The following DGKZ variants were observed in gnomAD, a reference collection of about 807,000 sequenced individuals.
DGKZ encodes the protein DAG kinase zeta.
Under a neutral mutation model 142.5 loss-of-function variants are expected in DGKZ, and 45 were observed. The observed-to-expected ratio is 0.32, with a 90% CI of 0.25 to 0.40. DGKZ has a LOEUF of 0.40. Ranked by LOEUF, DGKZ falls within the 10% of genes least tolerant of loss-of-function variation. DGKZ has a pLI of 1.00. For missense variants in DGKZ, 755 were observed against 1,306.5 expected, an observed-to-expected ratio of 0.58 and a Z score of 6.51; for synonymous variants, 442 against 527.0, an observed-to-expected ratio of 0.84 and a Z score of 2.21.
chr11:46,370,289 C>T (rs1943799505), intron 6 of DGKZ, among the ~76,000 whole-genome samples: 2 of 152,272 alleles, frequency 1.3e-5, no homozygotes, highest in African/African-American at 2.4e-5. Flanking sequence ...TAGACTTACT[C>T]ATTCGGTGAC....
chr11:46,380,139 C>G, exon 31 of DGKZ: 1 of 579,124 alleles, frequency 1.7e-6, no homozygotes. Flanking sequence ...CTCACCTGTT[C>G]CCCTGAGGAC....
chr11:46,367,388 G>A lies in DGKZ; in HGVS notation c.259G>A (p.Val87Met). ...GTCAGAGCGGCAGATCCGGAGTACA[G>A]TGGACTGGAGCGTGAGTGCCTGAAC... The change falls in exon 2 of 31, where the codon GTG (valine) becomes ATG (methionine). Residue 87 changes from valine (V) to methionine (M), a missense_variant. Physicochemically the swap from Val to Met is conservative, Grantham distance 21. Transcript: ENST00000527911. This position sits in a 1 kb window ranked among gnomAD's most constrained non-coding sequence, Gnocchi z 4.1. 1.2e-6 allele frequency: 2 copies of A among 1,613,128 alleles called. No homozygotes were observed. Among genetic ancestry groups the A allele is most frequent in the Non-Finnish European group, 1.7e-6 (2 of 1,179,978 alleles).
At chr11:46,366,843 A>C in intron 1 of DGKZ, 1 of 1,545,220 alleles carries the variant, frequency 6.5e-7, no homozygotes, top group Non-Finnish European at 8.7e-7. Flanking sequence ...TCAGGCCAGC[A>C]CCCTGGCCCT....
chr11:46,367,101 G>A lies in DGKZ; in HGVS notation c.162-190G>A, dbSNP rs548604883. The A allele has an allele frequency of 2.6e-5, 36 of 1,358,890 alleles. No individual in the cohort carries two copies. In the East Asian group the frequency reaches 7.5e-4, roughly 28 times the overall value. The allele number at this position is 1,358,890 out of a possible 1,614,324, so 84.2% of individuals were successfully genotyped here. ...TCCCCACTTGGGAACACTCTGGGCA[G>A]TACCCTGAAGCCAGCGTACCCCAAA... On this transcript the variant is annotated intron_variant, in intron 1 of 30. Transcript: ENST00000527911. This position sits in a 1 kb window ranked among gnomAD's most constrained non-coding sequence, Gnocchi z 4.1.
At chr11:46,368,172 T>G in intron 4 of DGKZ, 93 bp downstream of exon 4, 1 of 1,340,420 alleles carries the variant, frequency 7.5e-7, no homozygotes, top group Non-Finnish European at 1.1e-6. Flanking sequence ...ACAAACGGCC[T>G]GCCAGGAGTG....
chr11:46,373,263 GT>G (rs1407015925), intron 14 of DGKZ, among the ~76,000 whole-genome samples, 162 bp downstream of exon 14: 1 of 139,874 alleles, frequency 7.1e-6, no homozygotes, highest in African/African-American at 2.6e-5. Flanking sequence ...ACAAGATGCT[GT>G]TTTTTCTGTG....
At position 46,372,713 on chromosome 11, in the gene DGKZ, C is replaced by T. The variant is rs1187265156; in HGVS notation, c.1071+36C>T. The T allele has an allele frequency of 6.2e-7, 1 of 1,612,038 alleles. No individual in the cohort carries two copies. The highest frequency in any genetic ancestry group is 1.3e-5 in the African/African-American group (1 of 74,922). ...CGCATGGGCCAGCCGAGCACCAGGG[C>T]TGGGCCTGAAGCCGGGGTCCCTGTG... On this transcript the variant is annotated intron_variant, in intron 12 of 30. Transcript: ENST00000527911. This position sits in a 1 kb window ranked among gnomAD's most constrained non-coding sequence, Gnocchi z 5.9.
rs192028301 is a variant in DGKZ, at chr11:46,354,312, G to T, written c.161+6492G>T. On this transcript the variant is annotated intron_variant, in intron 1 of 30. Coordinates refer to ENST00000527911, the Ensembl canonical transcript of DGKZ. ...AGCAATCCTTCCACCTCAGCCTCCCGAGTAGCTAGGACTATAGGTGGGGGC... is the reference window on the plus strand; with the variant it reads ...AGCAATCCTTCCACCTCAGCCTCCCTAGTAGCTAGGACTATAGGTGGGGGC... 2.1e-3 allele frequency among the ~76,000 whole-genome samples: 325 copies of T among 152,214 alleles called. 2 individuals carry two copies. The highest frequency in any genetic ancestry group is 2.7e-3 in the South Asian group (13 of 4,814).
intron 1 of DGKZ, among the ~76,000 whole-genome samples, chr11:46,334,669 C>T (rs1939924598): frequency 6.6e-6 from 1 of 152,178 alleles, no homozygotes; most frequent in African/African-American, 2.4e-5. Flanking sequence ...GCCCTACCTC[C>T]ACCTTCTAGG....
chr11:46,337,113 T>C (rs572106004), intron 1 of DGKZ, among the ~76,000 whole-genome samples: 1 of 151,940 alleles, frequency 6.6e-6, no homozygotes, highest in South Asian at 2.1e-4. Flanking sequence ...ATGATCAGGG[T>C]TGGGCTCAAG....
In DGKZ at chr11:46,379,897, CGGCA is replaced by C. The variant is rs1945032280; in HGVS notation, c.2757_2760del (p.Gln920ThrfsTer4). On this transcript the variant is annotated frameshift_variant, in exon 31 of 31. Coordinates refer to ENST00000527911, the Ensembl canonical transcript of DGKZ. LOFTEE classifies it high-confidence loss of function. ...CGAGCTGGCCGCCTACCTGGAGAACCGGCAGCACTACCAGATGATCCAGCGGGAG... is the reference window on the plus strand; with the variant it reads ...CGAGCTGGCCGCCTACCTGGAGAACCGCACTACCAGATGATCCAGCGGGAG... 1 of 1,609,430 alleles carries C rather than the reference CGGCA, an allele frequency of 6.2e-7. No individual in the cohort carries two copies. The highest frequency in any genetic ancestry group is 8.5e-7 in the Non-Finnish European group (1 of 1,178,800).
intron 1 of DGKZ, among the ~76,000 whole-genome samples, chr11:46,340,452 C>G (rs765325979): frequency 3.9e-5 from 6 of 152,152 alleles, no homozygotes; most frequent in African/African-American, 1.4e-4. Context: ...GTGCAGGCTC[C>G]TCTCTCACCT....
chr11:46,374,813 G>A (rs780875980), exon 18 of DGKZ: 2 of 1,602,876 alleles, frequency 1.2e-6, no homozygotes, highest in Non-Finnish European at 1.7e-6. Flanking sequence ...TGAAACCCCA[G>A]TGTGTTGTTT....
rs779526200 is a variant in DGKZ at position 46,377,222 on chromosome 11, G to A, written c.2342+10G>A. 3 of 1,580,116 alleles carry A rather than the reference G, an allele frequency of 1.9e-6. No homozygotes were observed. In the East Asian group the frequency reaches 6.8e-5, roughly 36 times the overall value. On this transcript the variant is annotated intron_variant, in intron 25 of 30. Coordinates refer to ENST00000527911, the Ensembl canonical transcript of DGKZ. ...GCTCACCCACGCCCCGGTGAGTCCT[G>A]GTGTCCCGTCCCTCCAGCCCCTGGC... is the stretch of plus-strand genomic sequence containing the variant.
Position 46,333,437 on chromosome 11 carries a change from G to A in DGKZ, c.162G>A (p.Pro54=), listed in dbSNP as rs776370030. ...CCCGGGGCACGGCCGCTGGGCCCCC[G>A]GTGGAGGAGCGTTTCCGCCAGCTGC... The change falls in exon 1 of 31, where the codon CCG becomes CCA. Residue 54 remains proline, a synonymous_variant. Transcript: ENST00000343674. The A allele has an allele frequency of 5.9e-6, 9 of 1,531,298 alleles. No individual in the cohort carries two copies. The South Asian group carries it at 1.1e-4, about 18-fold the overall frequency. 94.9% of individuals were successfully genotyped at this position (1,531,298 alleles called of 1,614,324 possible).
Position 46,374,590 on chromosome 11 carries a change from T to C in DGKZ, c.1462-14T>C. ...TCTCTGTCAGCAGATGGTGACGCCC[T>C]CTGTCTCCCACAGACAGCTTTCTCT... On this transcript the variant is annotated splice_polypyrimidine_tract_variant and intron_variant, in intron 16 of 30. Coordinates refer to ENST00000527911, the Ensembl canonical transcript of DGKZ. The C allele has an allele frequency of 6.3e-7, 1 of 1,588,532 alleles. No individual in the cohort carries two copies. The highest frequency in any genetic ancestry group is 8.6e-7 in the Non-Finnish European group (1 of 1,164,872).
At chr11:46,348,638 C>G (rs970723795) in intron 1 of DGKZ, among the ~76,000 whole-genome samples, 1 of 152,194 alleles carries the variant, frequency 6.6e-6, no homozygotes, top group Non-Finnish European at 1.5e-5. Context: ...GAGCTTTGAC[C>G]AGGACTCTAG....
chr11:46,363,403 G>A (rs1942896735), intron 1 of DGKZ, among the ~76,000 whole-genome samples: 2 of 152,194 alleles, frequency 1.3e-5, no homozygotes, highest in African/African-American at 4.8e-5. Context: ...GCCCGTGAGG[G>A]GCCAACTTGC....
At chr11:46,375,726 C>T (rs535600743) in intron 20 of DGKZ, 95 bp downstream of exon 20, 4 of 1,500,806 alleles carry the variant, frequency 2.7e-6, no homozygotes, top group Admixed American at 2.0e-5. Context: ...GCTGACTGTC[C>T]CTCTGCCCCA....
Sources: allele counts gnomAD v4.1 joint callset (sites outside exome capture counted in the v4.1 genomes callset), GRCh38; gene constraint gnomAD v4.1.1; non-coding constraint Gnocchi (gnomAD v3.1); transcripts MANE v1.5; gene names NCBI Gene and HGNC (gene_info 2026-07-23, HGNC 2026-07-21).